LRFN5: variants seen among roughly 807,000 people sequenced by gnomAD.
LRFN5 encodes the protein leucine rich repeat and fibronectin type III domain containing 5.
In LRFN5, 24 loss-of-function variants were observed where a neutral mutation model predicts 45.6. The ratio of observed to expected loss-of-function variants is 0.53; its 90% CI spans 0.38 to 0.74. LRFN5 has a LOEUF of 0.74. LRFN5 is among the 30% of genes least tolerant of loss of function. The pLI is 0.00. For synonymous variants in LRFN5, 340 were observed against 313.8 expected, an observed-to-expected ratio of 1.08 and a Z score of -0.88; for missense variants, 776 against 861.5, an observed-to-expected ratio of 0.90 and a Z score of 1.24.
chr14:41,726,203 A>AT (rs1270390284), intron 1 of LRFN5, among the ~76,000 whole-genome samples: 2 of 152,012 alleles, frequency 1.3e-5, no homozygotes, highest in African/African-American at 4.8e-5. Context: ...TTCAATTATT[A>AT]TTTTTTCATT....
intron 1 of LRFN5, among the ~76,000 whole-genome samples, chr14:41,745,764 C>A (rs549737523): frequency 8.8e-5 from 13 of 148,108 alleles, no homozygotes; most frequent in Non-Finnish European, 1.7e-4. Flanking sequence ...AACTGAATAA[C>A]CCTACATGAA....
intron 1 of LRFN5, among the ~76,000 whole-genome samples, chr14:41,650,528 A>G (rs886738064): frequency 2.0e-5 from 3 of 152,186 alleles, no homozygotes; most frequent in East Asian, 3.9e-4. Context: ...ACTCTTTGTT[A>G]GAGGATACAT....
chr14:41,621,595 C>T (rs547161672), intron 1 of LRFN5, among the ~76,000 whole-genome samples: 58 of 152,104 alleles, frequency 3.8e-4, no homozygotes, highest in South Asian at 1.7e-3. Context: ...TTCTGTAACT[C>T]GCATTTAACA....
At chr14:41,805,258 T>C (rs899097505) in intron 2 of LRFN5, among the ~76,000 whole-genome samples, 90 of 151,536 alleles carry the variant, frequency 5.9e-4, no homozygotes, top group African/African-American at 1.8e-3. Flanking sequence ...AAGTGAAAAA[T>C]ATCAGGAATA....
intron 1 of LRFN5, among the ~76,000 whole-genome samples, chr14:41,651,248 A>T (rs898121067): frequency 6.6e-6 from 1 of 152,110 alleles, no homozygotes; most frequent in East Asian, 1.9e-4. Context: ...GGAAACTTTA[A>T]ATGAATATTA....
At chr14:41,662,244 G>C (rs1281170516) in intron 1 of LRFN5, among the ~76,000 whole-genome samples, 1 of 152,012 alleles carries the variant, frequency 6.6e-6, no homozygotes, top group Non-Finnish European at 1.5e-5. Flanking sequence ...TTCACATTTG[G>C]TAGTTAGTTA....
intron 2 of LRFN5, among the ~76,000 whole-genome samples, chr14:41,791,996 C>G (rs193043685): frequency 6.6e-6 from 1 of 151,976 alleles, no homozygotes; most frequent in Non-Finnish European, 1.5e-5. Flanking sequence ...CAGGGGAATC[C>G]GCCCCCAATA....
At chr14:41,691,421 C>A (rs1220331915) in intron 1 of LRFN5, among the ~76,000 whole-genome samples, 1 of 152,000 alleles carries the variant, frequency 6.6e-6, no homozygotes, top group African/African-American at 2.4e-5. Flanking sequence ...TCTAACTCAA[C>A]TTTACAGTTG....
intron 2 of LRFN5, among the ~76,000 whole-genome samples, chr14:41,801,257 A>G (rs547470794): frequency 3.9e-5 from 6 of 152,232 alleles, no homozygotes; most frequent in African/African-American, 1.4e-4. Flanking sequence ...TCCTCCCTTA[A>G]AAACTGTTAT....
chr14:41,727,005 A>T lies in LRFN5; in HGVS notation c.-196-39849A>T, dbSNP rs111461201. Among the ~76,000 whole-genome samples, 1,156 of 152,288 alleles carry T rather than the reference A, an allele frequency of 7.6e-3. 17 individuals are homozygous for T. Among genetic ancestry groups the T allele is most frequent in the African/African-American group, 0.027 (1,127 of 41,566 alleles). ...ATGAATTTTGTTGCAAAACGAGGTC[A>T]TAACATCTTGGTGTTTTATGAAACT... is the stretch of plus-strand genomic sequence containing the variant. On this transcript the variant is annotated intron_variant, in intron 1 of 5. Transcript: ENST00000298119.
intron 1 of LRFN5, among the ~76,000 whole-genome samples, chr14:41,612,953 A>G (rs1887806003): frequency 6.6e-6 from 1 of 152,114 alleles, no homozygotes; most frequent in East Asian, 1.9e-4. Flanking sequence ...TGTTGACAAA[A>G]TGATTTTTAA....
At chr14:41,629,394 AC>A (rs758259633) in intron 1 of LRFN5, among the ~76,000 whole-genome samples, 6 of 152,266 alleles carry the variant, frequency 3.9e-5, no homozygotes, top group Non-Finnish European at 8.8e-5. Context: ...GTTTTCTATT[AC>A]TTATTTGTAA....
At chr14:41,840,198 T>C (rs1888812063) in intron 2 of LRFN5, among the ~76,000 whole-genome samples, 1 of 152,074 alleles carries the variant, frequency 6.6e-6, no homozygotes, top group Non-Finnish European at 1.5e-5. Context: ...GGTACGCTGA[T>C]TATATGACCT....
At chr14:41,676,134 A>G (rs1361057077) in intron 1 of LRFN5, among the ~76,000 whole-genome samples, 2 of 152,174 alleles carry the variant, frequency 1.3e-5, no homozygotes, top group Non-Finnish European at 1.5e-5. Context: ...TGCAGAAGCC[A>G]TATTTCAGCA....
chr14:41,760,911 A>T (rs1299480856), intron 1 of LRFN5, among the ~76,000 whole-genome samples: 1 of 152,156 alleles, frequency 6.6e-6, no homozygotes, highest in South Asian at 2.1e-4. Flanking sequence ...ATTATCCAAT[A>T]ATCAGCTAAC....
At position 41,653,200 on chromosome 14, in the gene LRFN5, G is replaced by A. The variant is rs565246687; in HGVS notation, c.-197+44638G>A. Among the ~76,000 whole-genome samples the A allele has an allele frequency of 1.4e-3, 215 of 152,156 alleles. 1 individual carries two copies. Among genetic ancestry groups the A allele is most frequent in the African/African-American group, 4.0e-3 (165 of 41,540 alleles). ...CCATTTGTCAATTTTTGCTTTTGTT[G>A]CAATTGCTTTTGGCATCTTCATCAT... is the stretch of plus-strand genomic sequence containing the variant. On this transcript the variant is annotated intron_variant, in intron 1 of 5. Coordinates refer to ENST00000298119, the MANE Select transcript of LRFN5 (RefSeq NM_152447.5).
At chr14:41,843,914 C>A (rs1888956787) in intron 2 of LRFN5, among the ~76,000 whole-genome samples, 1 of 151,988 alleles carries the variant, frequency 6.6e-6, no homozygotes. Context: ...CAACAACTGG[C>A]ACTTAAAAAT....
At chr14:41,855,717 G>A (rs1220864910) in intron 2 of LRFN5, among the ~76,000 whole-genome samples, 3 of 152,104 alleles carry the variant, frequency 2.0e-5, no homozygotes, top group African/African-American at 4.8e-5. Context: ...AATGTTTAAC[G>A]AGTCCCACTG....
intron 2 of LRFN5, among the ~76,000 whole-genome samples, chr14:41,797,134 A>G (rs550468842): frequency 1.1e-4 from 17 of 151,994 alleles, no homozygotes; most frequent in African/African-American, 4.1e-4. Context: ...TTAATGTCTT[A>G]TGCAGAGAAA....
Sources: gnomAD v4.1 joint callset for allele counts (sites outside exome capture counted in the v4.1 genomes callset) on GRCh38, gnomAD v4.1.1 for gene constraint, MANE v1.5 for transcripts, NCBI Gene and HGNC (gene_info 2026-07-23, HGNC 2026-07-21) for gene names.